NHS: variants seen among roughly 807,000 people sequenced by gnomAD.
The protein encoded by NHS is actin remodeling regulator NHS.
A neutral mutation model predicts 72.5 loss-of-function variants in NHS; 5 were observed. The observed-to-expected ratio is 0.07, with a 90% CI of 0.04 to 0.14. The LOEUF (loss-of-function observed/expected upper bound fraction) is 0.14, where lower values mean the gene tolerates loss of function less well. Ranked by LOEUF, NHS falls within the 10% of genes least tolerant of loss-of-function variation. The pLI, the probability that NHS is intolerant of heterozygous loss-of-function variation, is 1.00. For missense variants in NHS, 1,072 were observed against 1,355.7 expected, an observed-to-expected ratio of 0.79 and a Z score of 3.29; for synonymous variants, 464 against 547.7, an observed-to-expected ratio of 0.85 and a Z score of 2.13.
intron 3 of NHS, among the ~76,000 whole-genome samples, chrX:17,704,559 A>G (rs2066285030): frequency 9.0e-6 from 1 of 111,148 alleles, no homozygotes; most frequent in South Asian, 3.8e-4. Flanking sequence ...CAGCCTCCCA[A>G]AATGCTGGGA....
intron 1 of NHS, among the ~76,000 whole-genome samples, chrX:17,527,756 C>T (rs944103379): frequency 2.7e-5 from 3 of 111,265 alleles, no homozygotes; most frequent in East Asian, 2.8e-4. Context: ...TTTTTTCCTG[C>T]GTTGAATTCT....
intron 1 of NHS, among the ~76,000 whole-genome samples, chrX:17,457,366 C>G (rs2064829543): frequency 9.0e-6 from 1 of 111,526 alleles, no homozygotes; most frequent in African/African-American, 3.3e-5. Flanking sequence ...TAAGCTTCTA[C>G]TCGTAGTGGA....
At chrX:17,700,473 T>C (rs1398881623) in intron 3 of NHS, among the ~76,000 whole-genome samples, 1 of 106,109 alleles carries the variant, frequency 9.4e-6, no homozygotes, top group Non-Finnish European at 1.9e-5. Flanking sequence ...AAAAAAGAAA[T>C]GCAAACAACA....
chrX:17,573,839 T>G (rs1187215280), intron 1 of NHS, among the ~76,000 whole-genome samples: 2 of 111,860 alleles, frequency 1.8e-5, no homozygotes, highest in African/African-American at 6.5e-5. Flanking sequence ...TCTTTGATGT[T>G]GGTGACCTAC....
In NHS at chrX:17,731,838, A is replaced by G; in HGVS notation, c.4350-20A>G. 3 of 1,173,504 alleles carry G rather than the reference A, an allele frequency of 2.6e-6. No individual in the cohort carries two copies. Among genetic ancestry groups the G allele is most frequent in the South Asian group, 2.0e-5 (1 of 50,352 alleles). On this transcript the variant is annotated intron_variant, in intron 8 of 8. Coordinates refer to ENST00000676302, the MANE Select transcript of NHS (RefSeq NM_001291867.2). ...GTGAACTGAGTGAGATGTTTGCCCCATTTTCTCCTTTTCTCAAAGATCCAA... is the reference window on the plus strand; with the variant it reads ...GTGAACTGAGTGAGATGTTTGCCCCGTTTTCTCCTTTTCTCAAAGATCCAA...
At position 17,660,660 on chromosome X, in the gene NHS, A is replaced by G. The variant is rs188348641; in HGVS notation, c.566-27082A>G. On this transcript the variant is annotated intron_variant, in intron 1 of 8. Coordinates refer to ENST00000676302, the MANE Select transcript of NHS (RefSeq NM_001291867.2). ...TCTTTCCCAGTGGTCTTTCCATGTG[A>G]TCACTCCAGCAGGGTAACTGGATTT... Among the ~76,000 whole-genome samples, 23 of 112,040 alleles carry G rather than the reference A, an allele frequency of 2.1e-4. 1 individual carries two copies. In the East Asian group the frequency reaches 6.5e-3, roughly 32 times the overall value.
chrX:17,454,943 G>A (rs2064820127), intron 1 of NHS, among the ~76,000 whole-genome samples: 2 of 111,630 alleles, frequency 1.8e-5, no homozygotes, highest in African/African-American at 3.3e-5. Context: ...TTAATTTTAT[G>A]TTCAATCAGA....
intron 1 of NHS, among the ~76,000 whole-genome samples, chrX:17,578,051 C>T: frequency 8.9e-6 from 1 of 112,179 alleles, no homozygotes; most frequent in East Asian, 2.8e-4. Flanking sequence ...AGCCATGAAA[C>T]TAGCACCATT....
chrX:17,450,761 AG>A (rs986203640), intron 1 of NHS, among the ~76,000 whole-genome samples: 2 of 111,969 alleles, frequency 1.8e-5, no homozygotes, highest in Non-Finnish European at 3.8e-5. Flanking sequence ...TTGTAATCTC[AG>A]GTACTTGGGA....
At position 17,555,228 on chromosome X, in the gene NHS, A is replaced by ATT. The variant is rs374726103; in HGVS notation, c.566-132499_566-132498dup. On this transcript the variant is annotated intron_variant, in intron 1 of 8. Transcript: ENST00000676302. ...AGTGGGGTGGGGCTGGCAGCGGGTT[A>ATT]TTTTTTTTTTTTTTTTCAAACCTTG... Among the ~76,000 whole-genome samples, 445 of 80,455 alleles carry ATT rather than the reference A, an allele frequency of 5.5e-3. 4 individuals are homozygous for ATT. Among genetic ancestry groups the ATT allele is most frequent in the African/African-American group, 0.019 (426 of 22,273 alleles). The allele number at this position is 80,455 out of a possible 115,157, so 69.9% of individuals were successfully genotyped here. A position where few individuals can be genotyped will look rare whatever the true frequency, so the allele number is the denominator to read the frequency against.
chrX:17,532,339 A>G (rs2065202459), intron 1 of NHS, among the ~76,000 whole-genome samples: 1 of 110,876 alleles, frequency 9.0e-6, no homozygotes, highest in Non-Finnish European at 1.9e-5. Flanking sequence ...CCCTGATTAT[A>G]TGCCAGGCAC....
Position 17,531,031 on chromosome X carries a change from G to T in NHS, c.565+154709G>T, listed in dbSNP as rs1465653295. ...GGTGAGGTGGAGGAGCACACATTGG[G>T]AATAGCTGCTCTCGAGGAACCCTGG... On this transcript the variant is annotated intron_variant, in intron 1 of 8. Transcript: ENST00000676302. Among the ~76,000 whole-genome samples, 4 of 111,869 alleles carry T rather than the reference G, an allele frequency of 3.6e-5. No individual in the cohort carries two copies. The East Asian group carries it at 1.1e-3, about 31-fold the overall frequency.
chrX:17,630,464 G>A (rs1431469737), intron 1 of NHS, among the ~76,000 whole-genome samples: 1 of 108,991 alleles, frequency 9.2e-6, no homozygotes, highest in African/African-American at 3.4e-5. Flanking sequence ...CTAGTGCATG[G>A]GTCCTCCAGC....
At chrX:17,452,307 A>AT (rs1161636184) in intron 1 of NHS, among the ~76,000 whole-genome samples, 3 of 111,183 alleles carry the variant, frequency 2.7e-5, no homozygotes, top group Admixed American at 9.5e-5. Context: ...TAAAAATATG[A>AT]TTTTTTTCTC....
intron 1 of NHS, among the ~76,000 whole-genome samples, chrX:17,382,610 C>CT (rs1271125539): frequency 2.7e-5 from 3 of 112,358 alleles, no homozygotes; most frequent in Non-Finnish European, 3.8e-5. Flanking sequence ...CTCAAGATTA[C>CT]TTTTTTCCCA....
intron 1 of NHS, among the ~76,000 whole-genome samples, chrX:17,537,687 A>AG (rs1427775581): frequency 3.6e-5 from 4 of 112,250 alleles, no homozygotes; most frequent in Non-Finnish European, 7.5e-5. Flanking sequence ...ATGTTGCATT[A>AG]GGGGTTAGAC....
At chrX:17,391,972 G>A (rs1010141814) in intron 1 of NHS, among the ~76,000 whole-genome samples, 20 of 111,937 alleles carry the variant, frequency 1.8e-4, no homozygotes, top group African/African-American at 6.5e-4. Context: ...GGCAGAGAAT[G>A]CCTAGGTGTT....
intron 1 of NHS, among the ~76,000 whole-genome samples, chrX:17,443,277 G>A (rs1366783466): frequency 8.9e-6 from 1 of 112,353 alleles, no homozygotes; most frequent in Non-Finnish European, 1.9e-5. Context: ...GCCTCCTGTG[G>A]TATTCTACCA....
intron 1 of NHS, among the ~76,000 whole-genome samples, chrX:17,399,157 A>T (rs1215040345): frequency 1.9e-5 from 2 of 108,049 alleles, no homozygotes; most frequent in Non-Finnish European, 3.8e-5. Context: ...GCCGGAGTGC[A>T]GTGGTACTAT....
Sources: gnomAD v4.1 joint callset for allele counts (sites outside exome capture counted in the v4.1 genomes callset) on GRCh38, gnomAD v4.1.1 for gene constraint, MANE v1.5 for transcripts, NCBI Gene and HGNC (gene_info 2026-07-23, HGNC 2026-07-21) for gene names.